The following SLC25A43 variants were observed in gnomAD, a reference collection of about 807,000 sequenced individuals.
The protein encoded by SLC25A43 is solute carrier family 25, member 43.
SLC25A43 carries 10 observed loss-of-function variants against 22.8 expected under a neutral mutation model. The ratio of observed to expected loss-of-function variants is 0.44; its 90% confidence interval spans 0.27 to 0.74. SLC25A43 has a LOEUF of 0.74. Ranked by LOEUF, SLC25A43 falls within the 30% of genes least tolerant of loss-of-function variation. SLC25A43 has a pLI of 0.17. For synonymous variants in SLC25A43, 106 were observed against 121.6 expected, an observed-to-expected ratio of 0.87 and a Z score of 0.84; for missense variants, 233 against 279.1, an observed-to-expected ratio of 0.83 and a Z score of 1.18.
chrX:119,431,516 G>A (rs201335354), intron 3 of SLC25A43, among the ~76,000 whole-genome samples: 150 of 88,763 alleles, frequency 1.7e-3, no homozygotes, highest in East Asian at 2.2e-3. Flanking sequence ...GTCTCCAACA[G>A]AAAAAAAAAA....
intron 1 of SLC25A43, among the ~76,000 whole-genome samples, chrX:119,403,972 C>T (rs753229065): frequency 1.9e-5 from 2 of 105,400 alleles, no homozygotes; most frequent in South Asian, 8.8e-4. Context: ...CAACCAGACA[C>T]TAGTCACAAG....
rs749063699 is a variant in SLC25A43 at position 119,452,445 on chromosome X, G to A, written c.825+302G>A. Among the ~76,000 whole-genome samples, 4 of 104,745 alleles carry A rather than the reference G, an allele frequency of 3.8e-5. No homozygotes were observed. The East Asian group carries it at 9.1e-4, about 24-fold the overall frequency. 91.0% of individuals were successfully genotyped at this position (104,745 alleles called of 115,157 possible). ...TCATCCTAAAATTCTATGCAAAAAT[G>A]TATGTGTATATGCATATGTGCATCA... is the stretch of plus-strand genomic sequence containing the variant. On this transcript the variant is annotated intron_variant, in intron 4 of 4. Coordinates refer to ENST00000217909, the MANE Select transcript of SLC25A43 (RefSeq NM_145305.3).
intron 3 of SLC25A43, among the ~76,000 whole-genome samples, chrX:119,417,120 G>A (rs765429059): frequency 5.4e-5 from 6 of 110,658 alleles, no homozygotes; most frequent in Non-Finnish European, 7.6e-5. Context: ...GGGCTAGTCC[G>A]TGAAAAAGGG....
At chrX:119,435,459 T>TC (rs1472542289) in intron 3 of SLC25A43, among the ~76,000 whole-genome samples, 50 of 19,767 alleles carry the variant, frequency 2.5e-3, no homozygotes, top group Non-Finnish European at 3.4e-3. Flanking sequence ...ATTTTATTCT[T>TC]TTTTTTTTTT....
At chrX:119,431,013 C>T (rs1462932470) in intron 3 of SLC25A43, among the ~76,000 whole-genome samples, 2 of 111,996 alleles carry the variant, frequency 1.8e-5, no homozygotes, top group African/African-American at 6.5e-5. Context: ...TCCTGAGCGT[C>T]AGAAGACAGT....
intron 3 of SLC25A43, among the ~76,000 whole-genome samples, chrX:119,444,289 C>G (rs887034501): frequency 9.0e-6 from 1 of 111,563 alleles, no homozygotes; most frequent in African/African-American, 3.3e-5. Flanking sequence ...TGCTGAAGTA[C>G]TTATTTATTA....
At position 119,442,348 on chromosome X, in the gene SLC25A43, G is replaced by A. The variant is rs1209541702; in HGVS notation, c.691-9661G>A. ...TAGTGTCTTTTTGTTTTAGTTGTGG[G>A]GAGCACCAGATTACAGAATGATTAC... On this transcript the variant is annotated intron_variant, in intron 3 of 4. Coordinates refer to ENST00000217909, the MANE Select transcript of SLC25A43 (RefSeq NM_145305.3). Among the ~76,000 whole-genome samples, 3 of 111,769 alleles carry A rather than the reference G, an allele frequency of 2.7e-5. No individual in the cohort carries two copies. The East Asian group carries it at 8.4e-4, about 31-fold the overall frequency.
chrX:119,416,571 T>C (rs2052403717), intron 3 of SLC25A43, among the ~76,000 whole-genome samples: 1 of 112,751 alleles, frequency 8.9e-6, no homozygotes, highest in Non-Finnish European at 1.9e-5. Context: ...TTGTTTTTCT[T>C]TTCAACATTT....
At chrX:119,449,707 G>A (rs111269098) in intron 3 of SLC25A43, among the ~76,000 whole-genome samples, 1,130 of 111,141 alleles carry the variant, frequency 0.01, 18 homozygotes, top group African/African-American at 0.034. Context: ...TCCAGCCTGG[G>A]TAACAGAGCG....
intron 3 of SLC25A43, among the ~76,000 whole-genome samples, chrX:119,434,365 T>G (rs1017088736): frequency 9.2e-6 from 1 of 108,903 alleles, no homozygotes. Context: ...GTTGATTACA[T>G]GATCCTGTGG....
Position 119,452,969 on chromosome X carries a change from C to T in SLC25A43, c.930C>T (p.Thr310=). 1 of 1,210,355 alleles carries T rather than the reference C, an allele frequency of 8.3e-7. No individual in the cohort carries two copies. The highest frequency in any genetic ancestry group is 1.1e-6 in the Non-Finnish European group (1 of 894,536). The stretch of plus-strand genomic sequence containing the variant: ...TGTCTCCACTGAGCTATAAATTGAC[C>T]CCAGGAGTCGATCAGAGTTTGCAGC... ...YILSPLSYKL[T]PGVDQSLQPQ... is the part of the protein sequence containing the mutation. The change falls in exon 5 of 5, where the codon ACC becomes ACT. Residue 310 remains threonine, a synonymous_variant. Coordinates refer to ENST00000217909, the MANE Select transcript of SLC25A43 (RefSeq NM_145305.3).
intron 3 of SLC25A43, among the ~76,000 whole-genome samples, chrX:119,425,544 ACT>A (rs2052495814): frequency 9.5e-6 from 1 of 105,583 alleles, no homozygotes. Flanking sequence ...TGTATTTTCA[ACT>A]CTCTGCTGTC....
chrX:119,452,008 G>T lies in SLC25A43; in HGVS notation c.691-1G>T, dbSNP rs772968087. 5.8e-6 allele frequency: 7 copies of T among 1,208,515 alleles called. No homozygotes were observed. The highest frequency in any genetic ancestry group is 7.8e-6 in the Non-Finnish European group (7 of 894,702). On this transcript the variant is annotated splice_acceptor_variant, in intron 3 of 4. Coordinates refer to ENST00000217909, the MANE Select transcript of SLC25A43 (RefSeq NM_145305.3). LOFTEE classifies it high-confidence loss of function. ...TCATCCCAGCTTCTGTTTCCTGTCA[G>T]GCTCAGAGCCCCTACCTCCCACACA... is the stretch of plus-strand genomic sequence containing the variant.
In SLC25A43 at chrX:119,399,346, G is replaced by T. The variant is rs1451218064; in HGVS notation, c.-58G>T. 1.3e-5 allele frequency: 11 copies of T among 868,444 alleles called. No homozygotes were observed. The highest frequency in any genetic ancestry group is 1.4e-5 in the Non-Finnish European group (10 of 693,706). The allele number at this position is 868,444 out of a possible 1,213,427, so 71.6% of individuals were successfully genotyped here. A position where few individuals can be genotyped will look rare whatever the true frequency, so the allele number is the denominator to read the frequency against. ...GGCCTGGGGCCCGCCACCTCCGCCCGTGGCCGGAGAGCCCCAGGCCCGAGC... is the reference window on the plus strand; with the variant it reads ...GGCCTGGGGCCCGCCACCTCCGCCCTTGGCCGGAGAGCCCCAGGCCCGAGC... On this transcript the variant is annotated 5_prime_UTR_variant, in exon 1 of 5. Coordinates refer to ENST00000217909, the MANE Select transcript of SLC25A43 (RefSeq NM_145305.3).
intron 3 of SLC25A43, among the ~76,000 whole-genome samples, chrX:119,429,292 C>T (rs893867679): frequency 2.7e-5 from 3 of 111,084 alleles, no homozygotes; most frequent in Non-Finnish European, 3.8e-5. Flanking sequence ...CCTCATGATC[C>T]GCCTGCCTCG....
intron 2 of SLC25A43, among the ~76,000 whole-genome samples, chrX:119,408,553 T>C (rs1023701883): frequency 2.7e-5 from 3 of 111,914 alleles, no homozygotes; most frequent in African/African-American, 9.7e-5. Context: ...GCACCTGACA[T>C]AGGGCCTGGC....
intron 3 of SLC25A43, among the ~76,000 whole-genome samples, chrX:119,417,135 A>G (rs974298932): frequency 1.6e-4 from 18 of 110,496 alleles, no homozygotes; most frequent in African/African-American, 5.9e-4. Flanking sequence ...AAAGGGTTTC[A>G]GGCCAGGTGC....
intron 3 of SLC25A43, among the ~76,000 whole-genome samples, chrX:119,414,977 T>C (rs1313291901): frequency 2.0e-5 from 2 of 98,492 alleles, no homozygotes; most frequent in African/African-American, 7.7e-5. Flanking sequence ...TGAAGTGCAG[T>C]TGCACCATCT....
At position 119,404,354 on chromosome X, in the gene SLC25A43, C is replaced by T. The variant is rs1443722522; in HGVS notation, c.276-2106C>T. 4.5e-5 allele frequency among the ~76,000 whole-genome samples: 5 copies of T among 111,689 alleles called. No individual in the cohort carries two copies. The East Asian group carries it at 1.1e-3, about 25-fold the overall frequency. On this transcript the variant is annotated intron_variant, in intron 1 of 4. Transcript: ENST00000217909. ...TTCAAGTTGGGGTTCCCACGACCCC[C>T]TCTTTGGGTTCGATTAATTTGCTAG... is the stretch of plus-strand genomic sequence containing the variant.
Sources: gnomAD v4.1 joint callset for allele counts (sites outside exome capture counted in the v4.1 genomes callset) on GRCh38, gnomAD v4.1.1 for gene constraint, MANE v1.5 for transcripts, NCBI Gene and HGNC (gene_info 2026-07-23, HGNC 2026-07-21) for gene names.